F10: variants seen among roughly 807,000 people sequenced by gnomAD.
F10 encodes the protein coagulation factor X, also known as Stuart-Prower factor.
F10 carries 29 observed loss-of-function variants against 37.1 expected under a neutral mutation model. That is an observed-to-expected ratio of 0.78 (90% CI 0.58 to 1.07). The LOEUF (loss-of-function observed/expected upper bound fraction) is 1.07. Among genes scored for constraint, F10 ranks in the 50% least tolerant of loss-of-function variants. The pLI, the probability that F10 is intolerant of heterozygous loss-of-function variation, is 0.00. For missense variants in F10, 539 were observed against 667.9 expected (o/e 0.81, Z 2.13); for synonymous variants, 262 against 268.6 (o/e 0.98, Z 0.24).
rs200105559 is a variant in F10 at position 113,138,439 on chromosome 13, T to A, written c.232-18T>A. On this transcript the variant is annotated intron_variant, in intron 2 of 7. Coordinates refer to ENST00000375559, the MANE Select transcript of F10 (RefSeq NM_000504.4). The stretch of plus-strand genomic sequence containing the variant: ...CTGTTTTCCCTAATATATTTTTAAA[T>A]TTCTTTTTTCCTTTTAGAATGAATT... 1 of 1,159,296 alleles carries A rather than the reference T, an allele frequency of 8.6e-7. No individual in the cohort carries two copies. Among genetic ancestry groups the A allele is most frequent in the Non-Finnish European group, 1.3e-6 (1 of 775,414 alleles). The allele number at this position is 1,159,296 out of a possible 1,614,324, so 71.8% of individuals were successfully genotyped here.
chr13:113,122,936 C>T lies in F10; in HGVS notation c.70+11C>T. On this transcript the variant is annotated intron_variant, in intron 1 of 7. Transcript: ENST00000375559. Reference sequence around the variant, plus strand: ...TGCTCGGGGAAAGTCGTAAGTGCCCCTCGCCCTTCAGACCCAAAAGCAGCG... The same window carrying T: ...TGCTCGGGGAAAGTCGTAAGTGCCCTTCGCCCTTCAGACCCAAAAGCAGCG... 1 of 1,608,496 alleles carries T rather than the reference C, an allele frequency of 6.2e-7. No homozygotes were observed. The highest frequency in any genetic ancestry group is 8.5e-7 in the Non-Finnish European group (1 of 1,179,944).
Position 113,127,178 on chromosome 13 carries a change from G to A in F10, c.71-2274G>A, listed in dbSNP as rs1207848674. On this transcript the variant is annotated intron_variant, in intron 1 of 7. Transcript: ENST00000375559. ...AATCTTTAAAACAGCTCTAAGAGTA[G>A]ATATTATAATTCCCTTCTGCCAATA... Among the ~76,000 whole-genome samples the A allele has an allele frequency of 2.0e-5, 3 of 152,306 alleles. No homozygotes were observed. The East Asian group carries it at 5.8e-4, about 29-fold the overall frequency.
At chr13:113,127,094 T>C (rs1330061822) in intron 1 of F10, among the ~76,000 whole-genome samples, 1 of 152,204 alleles carries the variant, frequency 6.6e-6, no homozygotes, top group Non-Finnish European at 1.5e-5. Flanking sequence ...GAGGTAGGAA[T>C]GAACCCAAGA....
chr13:113,122,848 G>A lies in F10; in HGVS notation c.-8G>A. ...AGTGAGGACAGGGACACAGTACTCG[G>A]CCACACCATGGGGCGCCCACTGCAC... On this transcript the variant is annotated 5_prime_UTR_variant, in exon 1 of 8. Coordinates refer to ENST00000375559, the MANE Select transcript of F10 (RefSeq NM_000504.4). The A allele has an allele frequency of 6.2e-7, 1 of 1,609,614 alleles. No homozygotes were observed.
intron 1 of F10, among the ~76,000 whole-genome samples, chr13:113,123,410 G>A (rs749971334): frequency 5.3e-5 from 8 of 152,196 alleles, no homozygotes; most frequent in South Asian, 2.1e-4. Flanking sequence ...GACTGGCTCC[G>A]TCGGGGAAGG....
At chr13:113,147,935 C>G (rs1247671420) in intron 7 of F10, among the ~76,000 whole-genome samples, 2 of 152,122 alleles carry the variant, frequency 1.3e-5, no homozygotes, top group Non-Finnish European at 2.9e-5. Context: ...CCACTAGACC[C>G]TAGAGCTGCT....
rs1007225714 is a variant in F10 at position 113,143,784 on chromosome 13, G to A, written c.503-67G>A. ...GGCTCTCTGACTCTTCTCCCTCAGG[G>A]TGAGCTGTGCAGGCTATGGGGAGCC... On this transcript the variant is annotated intron_variant, in intron 5 of 7. Coordinates refer to ENST00000375559, the MANE Select transcript of F10 (RefSeq NM_000504.4). The surrounding 1 kb of genome is among the most constrained non-coding windows in gnomAD (Gnocchi z 6.8). The A allele has an allele frequency of 6.2e-5, 100 of 1,600,774 alleles. No homozygotes were observed. Among genetic ancestry groups the A allele is most frequent in the Non-Finnish European group, 8.1e-5 (96 of 1,179,316 alleles).
chr13:113,130,815 A>C (rs1417155310), intron 2 of F10: 6 of 152,352 alleles, frequency 3.9e-5, no homozygotes, highest in African/African-American at 1.4e-4. Context: ...GTGAAGTTAC[A>C]AGTTATGGCC....
At chr13:113,138,049 C>T (rs1171861212) in intron 2 of F10, among the ~76,000 whole-genome samples, 1 of 152,198 alleles carries the variant, frequency 6.6e-6, no homozygotes, top group African/African-American at 2.4e-5. Flanking sequence ...AACTAATCAG[C>T]AATGAATATT....
rs3211777 is a variant in F10, at chr13:113,143,250, G to A, written c.503-601G>A. ...CTTGGCCTTGGTGCCCTAATTGGCC[G>A]TTATACAAAAGGAAGCTTCCTAACA... On this transcript the variant is annotated intron_variant, in intron 5 of 7. Transcript: ENST00000375559. The surrounding 1 kb of genome is among the most constrained non-coding windows in gnomAD (Gnocchi z 6.8). Among the ~76,000 whole-genome samples, 60 of 151,270 alleles carry A rather than the reference G, an allele frequency of 4.0e-4. No homozygotes were observed. The highest frequency in any genetic ancestry group is 1.4e-3 in the African/African-American group (56 of 41,086).
chr13:113,132,503 A>G (rs188997540), intron 2 of F10, among the ~76,000 whole-genome samples: 1 of 152,370 alleles, frequency 6.6e-6, no homozygotes, highest in African/African-American at 2.4e-5. Context: ...TTCTCCAGAG[A>G]GAGACGACTG....
rs185430512 is a variant in F10, at chr13:113,140,535, A to G, written c.371-384A>G. 2.3e-5 allele frequency: 11 copies of G among 484,226 alleles called. No homozygotes were observed. In the East Asian group the frequency reaches 2.6e-4, roughly 12 times the overall value. The allele number at this position is 484,226 out of a possible 1,614,324, so 30.0% of individuals were successfully genotyped here. On this transcript the variant is annotated intron_variant, in intron 4 of 7. Coordinates refer to ENST00000375559, the MANE Select transcript of F10 (RefSeq NM_000504.4). ...GAGGCATAACCCTGTTCAGGCTCCC[A>G]GGGCTATTATGCACATTTTCTAAAA...
Position 113,143,702 on chromosome 13 carries a change from TGGGGC to T in F10, c.503-148_503-144del. On this transcript the variant is annotated intron_variant, in intron 5 of 7. Transcript: ENST00000375559. This position sits in a 1 kb window ranked among gnomAD's most constrained non-coding sequence, Gnocchi z 6.8. ...GCAGATCCGACCCCTGCCGACGACG[TGGGGC>T]CTCGCCCTGCAAGCCCGCTGCCCCT... 3.5e-6 allele frequency: 4 copies of T among 1,153,616 alleles called. No homozygotes were observed. Among genetic ancestry groups the T allele is most frequent in the Admixed American group, 2.4e-5 (1 of 41,010 alleles). 71.5% of individuals were successfully genotyped at this position (1,153,616 alleles called of 1,614,324 possible).
At chr13:113,125,690 A>G (rs1228948467) in intron 1 of F10, among the ~76,000 whole-genome samples, 1 of 152,258 alleles carries the variant, frequency 6.6e-6, no homozygotes, top group Non-Finnish European at 1.5e-5. Context: ...CTCAGCCATA[A>G]CAGATAGCAG....
intron 1 of F10, chr13:113,128,244 T>C (rs2036389216): frequency 6.6e-6 from 1 of 152,148 alleles, no homozygotes; most frequent in African/African-American, 2.4e-5. Flanking sequence ...TCCAAGGTAG[T>C]TGGGTCACAG....
rs1313855343 is a variant in F10 at position 113,143,190 on chromosome 13, A to C, written c.503-661A>C. On this transcript the variant is annotated intron_variant, in intron 5 of 7. Coordinates refer to ENST00000375559, the MANE Select transcript of F10 (RefSeq NM_000504.4). This position sits in a 1 kb window ranked among gnomAD's most constrained non-coding sequence, Gnocchi z 6.8. ...CTCCTCTCCTCTCCTGCTCCCCCAC[A>C]CCCCTGCCTTCCTCCAACATGTTTC... Among the ~76,000 whole-genome samples the C allele has an allele frequency of 2.2e-5, 2 of 92,534 alleles. No homozygotes were observed. Among genetic ancestry groups the C allele is most frequent in the African/African-American group, 8.7e-5 (2 of 22,896 alleles). 60.7% of individuals were successfully genotyped at this position (92,534 alleles called of 152,430 possible).
Position 113,138,456 on chromosome 13 carries a change from G to A in F10, c.232-1G>A. The A allele has an allele frequency of 7.6e-7, 1 of 1,315,808 alleles. No homozygotes were observed. The highest frequency in any genetic ancestry group is 1.7e-5 in the Admixed American group (1 of 57,812). 81.5% of individuals were successfully genotyped at this position (1,315,808 alleles called of 1,614,324 possible). A position where few individuals can be genotyped will look rare whatever the true frequency, so the allele number is the denominator to read the frequency against. Reference sequence around the variant, plus strand: ...TTTTTAAATTTCTTTTTTCCTTTTAGAATGAATTCTGGAATAAATACAAAG... The same window carrying A: ...TTTTTAAATTTCTTTTTTCCTTTTAAAATGAATTCTGGAATAAATACAAAG... On this transcript the variant is annotated splice_acceptor_variant, in intron 2 of 7. Coordinates refer to ENST00000375559, the MANE Select transcript of F10 (RefSeq NM_000504.4). LOFTEE classifies it high-confidence loss of function.
At chr13:113,122,986 T>C (rs150082798) in intron 1 of F10, 61 bp downstream of exon 1, 412 of 1,567,512 alleles carry the variant, frequency 2.6e-4, no homozygotes, top group Admixed American at 7.2e-4. Flanking sequence ...GGGGCGGCAG[T>C]TGGGGAAACC....
intron 2 of F10, chr13:113,132,138 A>G (rs1230209166): frequency 6.6e-6 from 1 of 152,272 alleles, no homozygotes; most frequent in Non-Finnish European, 1.5e-5. Flanking sequence ...TCTTAATTAA[A>G]TTAAGAATTC....
Sources: allele counts gnomAD v4.1 joint callset (sites outside exome capture counted in the v4.1 genomes callset), GRCh38; gene constraint gnomAD v4.1.1; non-coding constraint Gnocchi (gnomAD v3.1); transcripts MANE v1.5; gene names NCBI Gene and HGNC (gene_info 2026-07-23, HGNC 2026-07-21).